The following PTPDC1 variants were observed in gnomAD, a reference collection of about 807,000 sequenced individuals.
PTPDC1 encodes the protein protein tyrosine phosphatase domain-containing protein 1.
Under a neutral mutation model 75.3 loss-of-function variants are expected in PTPDC1, and 53 were observed. The observed-to-expected ratio is 0.70, with a 90% CI of 0.56 to 0.88. The LOEUF (loss-of-function observed/expected upper bound fraction) is 0.88, where lower values mean the gene tolerates loss of function less well. Among genes scored for constraint, PTPDC1 ranks in the 40% least tolerant of loss-of-function variants. PTPDC1 has a pLI of 0.00. For synonymous variants in PTPDC1, 349 were observed against 366.2 expected (o/e 0.95, Z 0.54); for missense variants, 925 against 998.6 (o/e 0.93, Z 0.99).
intron 2 of PTPDC1, among the ~76,000 whole-genome samples, chr9:94,070,183 T>C (rs1390914572): frequency 6.6e-6 from 1 of 152,218 alleles, no homozygotes; most frequent in African/African-American, 2.4e-5. Flanking sequence ...TTTATAATTA[T>C]GTAAGAATGA....
At position 94,097,689 on chromosome 9, in the gene PTPDC1, G is replaced by A. The variant is rs142713063; in HGVS notation, c.1123G>A (p.Glu375Lys). ...SEGPGLSAEI[E>K]KTMSEMVTMQ... The stretch of plus-strand genomic sequence containing the variant: ...AGGACCTGGTCTCTCTGCTGAAATA[G>A]AAAAGACAATGTCTGAGATGGTCAC... The change falls in exon 6 of 9, where the codon GAA becomes AAA. Residue 375 changes from glutamate (E) to lysine (K), a missense_variant. Coordinates refer to ENST00000620992, the MANE Select transcript of PTPDC1 (RefSeq NM_001253829.2). The A allele has an allele frequency of 1.4e-5, 22 of 1,614,094 alleles. No individual in the cohort carries two copies. Among genetic ancestry groups the A allele is most frequent in the Non-Finnish European group, 1.8e-5 (21 of 1,180,058 alleles).
chr9:94,039,818 A>G (rs1249656413), intron 1 of PTPDC1, among the ~76,000 whole-genome samples: 1 of 152,220 alleles, frequency 6.6e-6, no homozygotes, highest in Non-Finnish European at 1.5e-5. Flanking sequence ...TGAATATTCC[A>G]TTAGTTTACT....
chr9:94,104,247 T>C, intron 7 of PTPDC1, 28 bp from the exon 8 acceptor site: 1 of 1,562,680 alleles, frequency 6.4e-7, no homozygotes, highest in South Asian at 1.1e-5. Flanking sequence ...TTGAAAAATT[T>C]TTTAAATTTT....
chr9:94,083,710 T>C (rs976229816), upstream of PTPDC1, among the ~76,000 whole-genome samples: 1 of 152,230 alleles, frequency 6.6e-6, no homozygotes, highest in Non-Finnish European at 1.5e-5. Context: ...TAGTGATCTT[T>C]CTTTGTATGC....
At chr9:94,076,977 C>G (rs1826716087) in intron 2 of PTPDC1, among the ~76,000 whole-genome samples, 1 of 152,134 alleles carries the variant, frequency 6.6e-6, no homozygotes, top group South Asian at 2.1e-4. Context: ...CTTTCTACAT[C>G]TTTTTTGGAG....
intron 4 of PTPDC1, among the ~76,000 whole-genome samples, chr9:94,094,580 C>G (rs955285752): frequency 1.3e-5 from 2 of 152,160 alleles, no homozygotes; most frequent in Non-Finnish European, 2.9e-5. Context: ...GCAGGCAGGC[C>G]TCCTTGAGCT....
At chr9:94,064,556 G>T (rs1215908219) in intron 1 of PTPDC1, among the ~76,000 whole-genome samples, 1 of 152,100 alleles carries the variant, frequency 6.6e-6, no homozygotes, top group East Asian at 1.9e-4. Flanking sequence ...TAAATTTTCA[G>T]CATCTTGTGT....
intron 1 of PTPDC1, among the ~76,000 whole-genome samples, chr9:94,064,563 G>A (rs1468668661): frequency 6.6e-6 from 1 of 152,122 alleles, no homozygotes; most frequent in Non-Finnish European, 1.5e-5. Flanking sequence ...TCAGCATCTT[G>A]TGTGTATTTT....
chr9:94,087,215 A>G (rs919406474), intron 2 of PTPDC1, among the ~76,000 whole-genome samples: 12 of 152,206 alleles, frequency 7.9e-5, no homozygotes, highest in Non-Finnish European at 1.2e-4. Flanking sequence ...GAATCCACAA[A>G]TAATTTATGT....
At chr9:94,105,537 G>A (rs1281194627) in intron 8 of PTPDC1, among the ~76,000 whole-genome samples, 2 of 151,954 alleles carry the variant, frequency 1.3e-5, no homozygotes, top group African/African-American at 4.8e-5. Flanking sequence ...GCATGGTGGT[G>A]TGCGCCTGCA....
rs76737669 is a variant in PTPDC1 at position 94,108,084 on chromosome 9, G to A, written c.*140G>A. ...TTGTTAGTTTGTGCTGAGAATGGTC[G>A]TCCGTATTTGAACCAATTATTTATT... On this transcript the variant is annotated 3_prime_UTR_variant, in exon 9 of 9. Transcript: ENST00000620992. The A allele has an allele frequency of 9.1e-4, 394 of 434,316 alleles. 2 individuals carry two copies. Among genetic ancestry groups the A allele is most frequent in the African/African-American group, 6.9e-3 (338 of 48,998 alleles). 26.9% of individuals were successfully genotyped at this position (434,316 alleles called of 1,614,324 possible).
chr9:94,107,455 G>T (rs1389022091), intron 8 of PTPDC1, among the ~76,000 whole-genome samples: 2 of 152,170 alleles, frequency 1.3e-5, no homozygotes, highest in East Asian at 3.8e-4. Context: ...TGGCCGTAGG[G>T]CCTCTCAGCA....
chr9:94,066,347 C>T (rs1163301250), intron 2 of PTPDC1, among the ~76,000 whole-genome samples: 2 of 151,970 alleles, frequency 1.3e-5, no homozygotes, highest in African/African-American at 2.4e-5. Flanking sequence ...TTTATTAAAG[C>T]ATATCTCATC....
chr9:94,042,814 T>C (rs2118413217), intron 1 of PTPDC1, among the ~76,000 whole-genome samples: 1 of 152,368 alleles, frequency 6.6e-6, no homozygotes, highest in East Asian at 1.9e-4. Context: ...CTGGAGTCAG[T>C]CCTCTTAAAC....
intron 1 of PTPDC1, among the ~76,000 whole-genome samples, chr9:94,043,442 T>G (rs1007097725): frequency 1.3e-5 from 2 of 152,136 alleles, no homozygotes; most frequent in African/African-American, 4.8e-5. Context: ...TATTTATAAT[T>G]TAAAAATAAT....
intron 1 of PTPDC1, among the ~76,000 whole-genome samples, chr9:94,038,905 G>A (rs1825351100): frequency 6.6e-6 from 1 of 152,180 alleles, no homozygotes; most frequent in Non-Finnish European, 1.5e-5. Flanking sequence ...GCATTTTAGT[G>A]TGGTTTGTGT....
intron 2 of PTPDC1, among the ~76,000 whole-genome samples, chr9:94,071,020 G>C (rs904305393): frequency 6.6e-6 from 1 of 151,376 alleles, no homozygotes; most frequent in Admixed American, 6.6e-5. Flanking sequence ...ATTACTTTGG[G>C]ATAAATACCC....
intron 1 of PTPDC1, among the ~76,000 whole-genome samples, chr9:94,046,344 A>G (rs1257406387): frequency 1.3e-5 from 2 of 152,154 alleles, no homozygotes; most frequent in African/African-American, 4.8e-5. Flanking sequence ...TTTCGGTTCC[A>G]TATGAACTTT....
At chr9:94,040,151 AGG>A (rs1199041979) in intron 1 of PTPDC1, among the ~76,000 whole-genome samples, 69 of 152,328 alleles carry the variant, frequency 4.5e-4, no homozygotes, top group African/African-American at 1.6e-3. Context: ...ATGCCAGCTC[AGG>A]TAAACTGGGC....
Sources: gnomAD v4.1 joint callset for allele counts (sites outside exome capture counted in the v4.1 genomes callset) on GRCh38, gnomAD v4.1.1 for gene constraint, MANE v1.5 for transcripts, NCBI Gene and HGNC (gene_info 2026-07-23, HGNC 2026-07-21) for gene names.